ANKRD30B: variants seen among roughly 807,000 people sequenced by gnomAD.
ANKRD30B encodes the protein ankyrin repeat domain-containing protein 30B.
ANKRD30B carries 144 observed loss-of-function variants against 202.2 expected under a neutral mutation model. The ratio of observed to expected loss-of-function variants is 0.71; its 90% CI spans 0.62 to 0.82. The LOEUF is 0.82. Ranked by LOEUF, ANKRD30B falls within the 40% of genes least tolerant of loss-of-function variation. ANKRD30B has a pLI of 0.00. For synonymous variants in ANKRD30B, 508 were observed against 561.3 expected, an observed-to-expected ratio of 0.91 and a Z score of 1.34; for missense variants, 1,487 against 1,669.1, an observed-to-expected ratio of 0.89 and a Z score of 1.90.
At chr18:14,846,254 T>C (rs2057744431) in intron 39 of ANKRD30B, among the ~76,000 whole-genome samples, 1 of 151,960 alleles carries the variant, frequency 6.6e-6, no homozygotes, top group Non-Finnish European at 1.5e-5. Context: ...CTTTTTACTA[T>C]TTTTGGAACC....
At chr18:14,843,975 TA>T (rs1275441817) in intron 39 of ANKRD30B, among the ~76,000 whole-genome samples, 1 of 152,238 alleles carries the variant, frequency 6.6e-6, no homozygotes, top group Non-Finnish European at 1.5e-5. Flanking sequence ...TTAAAAATTA[TA>T]CAACATATGT....
rs1159540699 is a variant in ANKRD30B at position 14,837,622 on chromosome 18, G to A, written c.2934G>A (p.Met978Ile). Residue 978 changes from methionine (M) to isoleucine (I), a missense_variant, in exon 36 of 44, where the codon ATG becomes ATA. By Grantham distance (10) the Met-to-Ile change is conservative (BLOSUM62 1). Transcript: ENST00000690538. ...GTGAATAACATTTTGTAGATAAGAT[G>A]CCCACATCAGAATTAGGAAGAAAAG... is the stretch of plus-strand genomic sequence containing the variant. ...ERAPQDQTNK[M>I]PTSELGRKED... The A allele has an allele frequency of 1.3e-6, 2 of 1,530,630 alleles. No homozygotes were observed. Among genetic ancestry groups the A allele is most frequent in the Admixed American group, 2.1e-5 (1 of 46,558 alleles). The allele number at this position is 1,530,630 out of a possible 1,614,324, so 94.8% of individuals were successfully genotyped here.
chr18:14,913,503 A>G, the ANKRD30B span, among the ~76,000 whole-genome samples: 1 of 152,240 alleles, frequency 6.6e-6, no homozygotes, highest in Non-Finnish European at 1.5e-5. Context: ...CATACTATAT[A>G]TGAACAATTC....
intron 15 of ANKRD30B, among the ~76,000 whole-genome samples, chr18:14,788,686 T>C (rs1275258216): frequency 3.3e-5 from 5 of 152,040 alleles, no homozygotes; most frequent in Non-Finnish European, 5.9e-5. Context: ...AGAATGATGA[T>C]TTCCAATTTC....
the ANKRD30B span, among the ~76,000 whole-genome samples, chr18:14,871,865 A>G: frequency 6.6e-6 from 1 of 152,244 alleles, no homozygotes; most frequent in African/African-American, 2.4e-5. Context: ...TGGCATTACA[A>G]TGAGGGTCCA....
chr18:14,920,417 T>C, the ANKRD30B span, among the ~76,000 whole-genome samples: 1 of 152,166 alleles, frequency 6.6e-6, no homozygotes, highest in Admixed American at 6.5e-5. Context: ...AGTGTCACCA[T>C]AGTGACTAGT....
At chr18:14,886,673 T>C in the ANKRD30B span, among the ~76,000 whole-genome samples, 1 of 152,114 alleles carries the variant, frequency 6.6e-6, no homozygotes, top group African/African-American at 2.4e-5. Flanking sequence ...TTTTATTATG[T>C]ATTTTCTTTT....
At chr18:14,753,869 T>C (rs1368480985) in intron 3 of ANKRD30B, among the ~76,000 whole-genome samples, 1 of 152,132 alleles carries the variant, frequency 6.6e-6, no homozygotes, top group African/African-American at 2.4e-5. Flanking sequence ...CTAATCCACA[T>C]AGATGAGTTA....
At chr18:14,787,801 C>T (rs143389230) in intron 15 of ANKRD30B, among the ~76,000 whole-genome samples, 2,772 of 152,252 alleles carry the variant, frequency 0.018, 88 homozygotes, top group African/African-American at 0.064. Flanking sequence ...TAGAAAGTAT[C>T]TGACCTCTTA....
intron 33 of ANKRD30B, among the ~76,000 whole-genome samples, chr18:14,830,601 C>G (rs1970873452): frequency 6.6e-6 from 1 of 152,092 alleles, no homozygotes; most frequent in Non-Finnish European, 1.5e-5. Context: ...TCCAGTGACA[C>G]AGATTAGTCT....
At chr18:14,799,362 C>CT in intron 22 of ANKRD30B, 67 bp downstream of exon 22, 1 of 1,336,674 alleles carries the variant, frequency 7.5e-7, no homozygotes, top group Non-Finnish European at 1.0e-6. Context: ...TGCTGAGCAC[C>CT]TTTTTATTCC....
chr18:14,887,087 A>G, the ANKRD30B span, among the ~76,000 whole-genome samples: 2 of 152,168 alleles, frequency 1.3e-5, no homozygotes, highest in East Asian at 3.8e-4. Context: ...TAAAACCACA[A>G]TGGTTAGCAA....
At chr18:14,883,335 GTCTC>G in the ANKRD30B span, among the ~76,000 whole-genome samples, 22 of 67,344 alleles carry the variant, frequency 3.3e-4, no homozygotes, top group Non-Finnish European at 6.0e-4. Context: ...CTCTCTCTCT[GTCTC>G]TCTCTCTCTT....
chr18:14,881,744 T>G, the ANKRD30B span, among the ~76,000 whole-genome samples: 4 of 151,934 alleles, frequency 2.6e-5, no homozygotes, highest in Admixed American at 6.6e-5. Flanking sequence ...GGCTTTTTTT[T>G]TTGGAAATTT....
At chr18:14,868,763 G>C in the ANKRD30B span, among the ~76,000 whole-genome samples, 1 of 152,296 alleles carries the variant, frequency 6.6e-6, no homozygotes, top group Non-Finnish European at 1.5e-5. Context: ...GTCACCTGGG[G>C]AAAGTGGAAC....
the ANKRD30B span, among the ~76,000 whole-genome samples, chr18:14,868,588 G>A: frequency 6.6e-6 from 1 of 152,274 alleles, no homozygotes; most frequent in Non-Finnish European, 1.5e-5. Flanking sequence ...TCTCAGGAGG[G>A]TGGCTGCTGT....
At chr18:14,824,140 G>A (rs1970571846) in intron 32 of ANKRD30B, among the ~76,000 whole-genome samples, 1 of 150,322 alleles carries the variant, frequency 6.7e-6, no homozygotes, top group African/African-American at 2.5e-5. Context: ...TATTTTAGGT[G>A]TACTCAATAC....
intron 8 of ANKRD30B, among the ~76,000 whole-genome samples, chr18:14,770,083 A>G (rs1966897439): frequency 6.6e-6 from 1 of 152,110 alleles, no homozygotes; most frequent in Non-Finnish European, 1.5e-5. Flanking sequence ...TTCCCTGCCT[A>G]GTTGCAGGCA....
downstream of ANKRD30B, among the ~76,000 whole-genome samples, chr18:14,855,680 C>G (rs911430113): frequency 1.3e-5 from 2 of 149,150 alleles, no homozygotes; most frequent in African/African-American, 5.0e-5. Context: ...GGCGGCCGGG[C>G]AGAGGCACTC....
Sources: gnomAD v4.1 joint callset for allele counts (sites outside exome capture counted in the v4.1 genomes callset) on GRCh38, gnomAD v4.1.1 for gene constraint, MANE v1.5 for transcripts, NCBI Gene and HGNC (gene_info 2026-07-23, HGNC 2026-07-21) for gene names.